The following LRRC37A2 variants were observed in gnomAD, a reference collection of about 807,000 sequenced individuals.
The protein encoded by LRRC37A2 is leucine-rich repeat-containing protein 37A2.
LRRC37A2 carries 9 observed loss-of-function variants against 68.8 expected under a neutral mutation model. The observed-to-expected ratio is 0.13, with a 90% CI of 0.08 to 0.23. LRRC37A2 has a LOEUF of 0.23. Among genes scored for constraint, LRRC37A2 ranks in the 10% least tolerant of loss-of-function variants. The pLI, the probability that LRRC37A2 is intolerant of heterozygous loss-of-function variation, is 1.00. For missense variants in LRRC37A2, 168 were observed against 950.4 expected, an observed-to-expected ratio of 0.18 and a Z score of 10.82; for synonymous variants, 63 against 367.6, an observed-to-expected ratio of 0.17 and a Z score of 9.48.
At chr17:46,936,790 A>T in the LRRC37A2 span, 4 of 984,234 alleles carry the variant, frequency 4.1e-6, no homozygotes, top group Non-Finnish European at 4.8e-6. Context: ...GGAAAAAAAA[A>T]TACAAATACA....
chr17:46,766,770 A>C, the LRRC37A2 span, among the ~76,000 whole-genome samples: 1 of 152,120 alleles, frequency 6.6e-6, no homozygotes, highest in African/African-American at 2.4e-5. Context: ...CCAGTAGCTC[A>C]GAGGTGCCCT....
chr17:46,803,261 T>C, the LRRC37A2 span, among the ~76,000 whole-genome samples: 1 of 152,200 alleles, frequency 6.6e-6, no homozygotes, highest in Non-Finnish European at 1.5e-5. Flanking sequence ...TGGCCAGGCG[T>C]AGCGGCTCAC....
the LRRC37A2 span, among the ~76,000 whole-genome samples, chr17:46,921,408 G>A: frequency 6.6e-6 from 1 of 152,192 alleles, no homozygotes; most frequent in Admixed American, 6.5e-5. Context: ...ATACCATTCA[G>A]GACATAGGCA....
At chr17:46,676,148 G>A in the LRRC37A2 span, among the ~76,000 whole-genome samples, 1 of 141,336 alleles carries the variant, frequency 7.1e-6, no homozygotes, top group East Asian at 2.3e-4. Flanking sequence ...AATATCTGCT[G>A]CCACCACAGG....
the LRRC37A2 span, among the ~76,000 whole-genome samples, chr17:46,965,527 C>T: frequency 3.3e-5 from 5 of 152,222 alleles, no homozygotes; most frequent in African/African-American, 4.8e-5. Flanking sequence ...GGGCTTCCCC[C>T]TCAACGTGAC....
the LRRC37A2 span, among the ~76,000 whole-genome samples, chr17:46,882,576 C>T: frequency 6.6e-6 from 1 of 152,100 alleles, no homozygotes; most frequent in Middle Eastern, 3.2e-3. Context: ...GCTGGGATTA[C>T]AGGCTCACCC....
At chr17:46,782,998 G>C in the LRRC37A2 span, among the ~76,000 whole-genome samples, 1 of 152,220 alleles carries the variant, frequency 6.6e-6, no homozygotes, top group Admixed American at 6.5e-5. Flanking sequence ...AGGTGCCTCA[G>C]GGGGTGCCTT....
At chr17:46,593,151 ACAT>A in the LRRC37A2 span, among the ~76,000 whole-genome samples, 1 of 37,232 alleles carries the variant, frequency 2.7e-5, no homozygotes, top group East Asian at 7.1e-4. Flanking sequence ...CCACCTTTCC[ACAT>A]CTTCATTTTT....
the LRRC37A2 span, among the ~76,000 whole-genome samples, chr17:46,950,368 A>T: frequency 6.6e-6 from 1 of 152,138 alleles, no homozygotes; most frequent in South Asian, 2.1e-4. Flanking sequence ...GAGGGTGAGG[A>T]TGGAGAGAAG....
intron 6 of LRRC37A2, among the ~76,000 whole-genome samples, chr17:46,532,326 T>C (rs2053801634): frequency 6.6e-6 from 1 of 150,434 alleles, no homozygotes; most frequent in Non-Finnish European, 1.5e-5. Flanking sequence ...GTTTGCCAGA[T>C]TTTGTCAAGC....
At chr17:46,940,352 C>CAGA in the LRRC37A2 span, 17 of 1,481,894 alleles carry the variant, frequency 1.1e-5, no homozygotes, top group Non-Finnish European at 1.5e-5. Flanking sequence ...GGGTTGGGGC[C>CAGA]CTGCCAGAGT....
At chr17:46,999,407 A>T in the LRRC37A2 span, among the ~76,000 whole-genome samples, 1 of 152,154 alleles carries the variant, frequency 6.6e-6, no homozygotes, top group Admixed American at 6.5e-5. Flanking sequence ...CCCAGGATGT[A>T]GTGCAATCAT....
chr17:46,823,779 C>T, the LRRC37A2 span, among the ~76,000 whole-genome samples: 2 of 150,170 alleles, frequency 1.3e-5, no homozygotes, highest in African/African-American at 4.9e-5. Context: ...GGTGAAAGTC[C>T]TTTAGAAGGG....
At chr17:46,901,095 T>A in the LRRC37A2 span, among the ~76,000 whole-genome samples, 1 of 152,176 alleles carries the variant, frequency 6.6e-6, no homozygotes, top group Non-Finnish European at 1.5e-5. Context: ...AGGAGGAAGA[T>A]GTTTGAGGTA....
chr17:46,751,114 G>T, the LRRC37A2 span, among the ~76,000 whole-genome samples: 44 of 152,100 alleles, frequency 2.9e-4, no homozygotes, highest in African/African-American at 9.7e-4. Context: ...AATGTTTTCA[G>T]GTTACCCATG....
chr17:46,707,979 G>A, the LRRC37A2 span, among the ~76,000 whole-genome samples: 1 of 150,904 alleles, frequency 6.6e-6, no homozygotes, highest in Non-Finnish European at 1.5e-5. Context: ...GTTGCAGTGA[G>A]CCGAGATTGT....
the LRRC37A2 span, chr17:46,872,794 A>AGGGGT: frequency 7.5e-7 from 1 of 1,331,464 alleles, no homozygotes. Flanking sequence ...GGGCTAGGGG[A>AGGGGT]CGGGGAGGGC....
chr17:46,940,779 A>G, the LRRC37A2 span: 2 of 1,515,806 alleles, frequency 1.3e-6, no homozygotes, highest in Non-Finnish European at 1.8e-6. Flanking sequence ...AGTTTGGAAT[A>G]AAAATTGCAG....
chr17:46,751,858 C>T, the LRRC37A2 span, among the ~76,000 whole-genome samples: 1 of 152,078 alleles, frequency 6.6e-6, no homozygotes, highest in East Asian at 1.9e-4. Context: ...ATTTAGGGAG[C>T]CACTAGGTCT....
Sources: allele counts gnomAD v4.1 joint callset (sites outside exome capture counted in the v4.1 genomes callset), GRCh38; gene constraint gnomAD v4.1.1; transcripts MANE v1.5; gene names NCBI Gene and HGNC (gene_info 2026-07-23, HGNC 2026-07-21).